The following RBM12B variants were observed in gnomAD, a reference collection of about 807,000 sequenced individuals.
RBM12B encodes the protein RNA-binding protein 12B.
Under a neutral mutation model 34.3 loss-of-function variants are expected in RBM12B, and 10 were observed. The observed-to-expected ratio is 0.29, with a 90% CI of 0.18 to 0.49. RBM12B has a LOEUF of 0.49. Among genes scored for constraint, RBM12B ranks in the 20% least tolerant of loss-of-function variants. RBM12B has a pLI of 0.99. For missense variants in RBM12B, 1,139 were observed against 1,262.7 expected, an observed-to-expected ratio of 0.90 and a Z score of 1.48; for synonymous variants, 477 against 437.1, an observed-to-expected ratio of 1.09 and a Z score of -1.14.
chr8:93,740,679 T>C lies in RBM12B; in HGVS notation c.-128A>G, dbSNP rs1310847448. 1 of 369,746 alleles carries C rather than the reference T, an allele frequency of 2.7e-6. No homozygotes were observed. The highest frequency in any genetic ancestry group is 7.2e-5 in the East Asian group (1 of 13,828). 22.9% of individuals were successfully genotyped at this position (369,746 alleles called of 1,614,324 possible). A position where few individuals can be genotyped will look rare whatever the true frequency, so the allele number is the denominator to read the frequency against. On this transcript the variant is annotated 5_prime_UTR_variant, in exon 2 of 4. An upstream start codon of the reference 5' UTR is lost. Transcript: ENST00000520560. ...TCTCAAGATCCCTGGGAAGCGCACA[T>C]ACACCACCACATGGAAGCTGACGGG...
rs367550047 is a variant in RBM12B at position 93,734,680 on chromosome 8, C to T, written c.1731G>A (p.Glu577=). The change falls in exon 4 of 4, where the codon GAG becomes GAA. Residue 577 remains glutamate (E), a synonymous_variant. Transcript: ENST00000520560. ...CTTCCTCCCTAGGTCGCCTGAAGTC[C>T]TCTGGGGAGTGCCTGAAGTCCTCCG... is the stretch of plus-strand genomic sequence containing the variant. The part of the protein sequence containing the change: ...FPPEDFRHSP[E]DFRRPREEDF... 7 of 1,613,264 alleles carry T rather than the reference C, an allele frequency of 4.3e-6. No homozygotes were observed. Among genetic ancestry groups the T allele is most frequent in the Non-Finnish European group, 2.5e-6 (3 of 1,179,552 alleles).
At chr8:93,737,259 C>G (rs1812050458) in intron 3 of RBM12B, 48 bp downstream of exon 3, 1 of 152,162 alleles carries the variant, frequency 6.6e-6, no homozygotes, top group African/African-American at 2.4e-5. Context: ...TATTCTACTT[C>G]ACATGTTTTT....
In RBM12B at chr8:93,735,873, C is replaced by T. The variant is rs555466677; in HGVS notation, c.538G>A (p.Val180Met). 57 of 1,614,030 alleles carry T rather than the reference C, an allele frequency of 3.5e-5. No homozygotes were observed. The highest frequency in any genetic ancestry group is 1.7e-4 in the Admixed American group (10 of 60,026). Residue 180 changes from valine (V) to methionine (M), a missense_variant, in exon 4 of 4, where the codon GTG (valine) becomes ATG (methionine). Coordinates refer to ENST00000520560, the MANE Select transcript of RBM12B (RefSeq NM_001377960.1). ...TGTTTTAAGAAAATTACTCCATCCA[C>T]GCACAAACCAGAGAAAAAGACACGT... is the stretch of plus-strand genomic sequence containing the variant. Reference protein sequence around the residue: ...DVRVFFSGLCVDGVIFLKHHD... With the variant: ...DVRVFFSGLCMDGVIFLKHHD...
intron 2 of RBM12B, among the ~76,000 whole-genome samples, chr8:93,738,672 A>AGGCTGGTAGGG: frequency 6.6e-6 from 1 of 152,262 alleles, no homozygotes; most frequent in East Asian, 1.9e-4. Flanking sequence ...CATGTTGCCC[A>AGGCTGGTAGGG]GGCTGGTAGG....
At position 93,733,542 on chromosome 8, in the gene RBM12B, T is replaced by A; in HGVS notation, c.2869A>T (p.Ile957Leu). 1 of 1,613,624 alleles carries A rather than the reference T, an allele frequency of 6.2e-7. No homozygotes were observed. Among genetic ancestry groups the A allele is most frequent in the Non-Finnish European group, 8.5e-7 (1 of 1,179,658 alleles). ...GYRIIPDSVS[I>L]QYNEQGLPTG... The stretch of plus-strand genomic sequence containing the variant: ...GGTAAGCCTTGCTCATTATACTGTA[T>A]CGAAACTGAATCAGGTATGATTCTG... The change falls in exon 4 of 4, where the codon ATA becomes TTA. Residue 957 changes from isoleucine to leucine, a missense_variant. Coordinates refer to ENST00000520560, the MANE Select transcript of RBM12B (RefSeq NM_001377960.1).
In RBM12B at chr8:93,733,930, G is replaced by T. The variant is rs749310375; in HGVS notation, c.2481C>A (p.Phe827Leu). Residue 827 changes from phenylalanine to leucine, a missense_variant, in exon 4 of 4, where the codon TTC (phenylalanine) becomes TTA (leucine). Phe to Leu is a conservative substitution (Grantham distance 22, BLOSUM62 0). Coordinates refer to ENST00000520560, the MANE Select transcript of RBM12B (RefSeq NM_001377960.1). ...EDFRHPPDED[F>L]RSPQEEDFRC... ...TAAAATCTTCCTCCTGGGGGCTCCT[G>T]AAGTCCTCATCAGGAGGGTGCCTAA... 29 of 1,613,142 alleles carry T rather than the reference G, an allele frequency of 1.8e-5. No individual in the cohort carries two copies. Among genetic ancestry groups the T allele is most frequent in the Non-Finnish European group, 2.2e-5 (26 of 1,179,778 alleles).
In RBM12B at chr8:93,731,887, ACT is replaced by A. The variant is rs1042727226; in HGVS notation, c.*1516_*1517del. 22 of 151,664 alleles carry A rather than the reference ACT, an allele frequency of 1.5e-4. No homozygotes were observed. Among genetic ancestry groups the A allele is most frequent in the Non-Finnish European group, 2.2e-4 (15 of 67,830 alleles). The allele number at this position is 151,664 out of a possible 1,614,324, so 9.4% of individuals were successfully genotyped here. A position where few individuals can be genotyped will look rare whatever the true frequency, so the allele number is the denominator to read the frequency against. ...TGGATAGAAAGAAACTTTTAAAGTC[ACT>A]CTTTTTTTTTTTATTAGTAATGTTA... On this transcript the variant is annotated 3_prime_UTR_variant, in exon 4 of 4. Transcript: ENST00000520560.
rs866886590 is a variant in RBM12B, at chr8:93,728,434, T to C, written c.*4971A>G. ...CAGAAAAATAATTAAAGGAAACTTA[T>C]GCTGACCAAAAATGAAGGCTTTAAA... On this transcript the variant is annotated 3_prime_UTR_variant, in exon 4 of 4. Transcript: ENST00000520560. 1.4e-5 allele frequency: 8 copies of C among 554,608 alleles called. No individual in the cohort carries two copies. Among genetic ancestry groups the C allele is most frequent in the Non-Finnish European group, 1.9e-5 (6 of 321,710 alleles). The allele number at this position is 554,608 out of a possible 1,614,324, so 34.4% of individuals were successfully genotyped here.
chr8:93,736,009 A>G lies in RBM12B; in HGVS notation c.402T>C (p.Thr134=). 6.2e-7 allele frequency: 1 copy of G among 1,614,222 alleles called. No individual in the cohort carries two copies. The highest frequency in any genetic ancestry group is 8.5e-7 in the Non-Finnish European group (1 of 1,180,022). ...TTAAATTACCATGTCCTGTACCATTAGTATGAAACCCAGCATCTTGATTAA... is the reference window on the plus strand; with the variant it reads ...TTAAATTACCATGTCCTGTACCATTGGTATGAAACCCAGCATCTTGATTAA... ...SSINQDAGFH[T]NGTGHGNLRP... is the part of the protein sequence containing the mutation. Residue 134 remains threonine, a synonymous_variant, in exon 4 of 4, where the codon ACT becomes ACC. Coordinates refer to ENST00000520560, the MANE Select transcript of RBM12B (RefSeq NM_001377960.1).
In RBM12B at chr8:93,730,305, G is replaced by C. The variant is rs889549212; in HGVS notation, c.*3100C>G. 2 of 152,174 alleles carry C rather than the reference G, an allele frequency of 1.3e-5. No homozygotes were observed. The highest frequency in any genetic ancestry group is 2.4e-5 in the African/African-American group (1 of 41,446). The allele number at this position is 152,174 out of a possible 1,614,324, so 9.4% of individuals were successfully genotyped here. A position where few individuals can be genotyped will look rare whatever the true frequency, so the allele number is the denominator to read the frequency against. On this transcript the variant is annotated 3_prime_UTR_variant, in exon 4 of 4. Transcript: ENST00000520560. The stretch of plus-strand genomic sequence containing the variant: ...ATCAAGAATCACTGCTCTTAACAGT[G>C]ATCTCAGTAAATTAATAGAAATGCA...
At position 93,729,586 on chromosome 8, in the gene RBM12B, A is replaced by G. The variant is rs923462573; in HGVS notation, c.*3819T>C. 2.0e-5 allele frequency: 3 copies of G among 152,216 alleles called. No individual in the cohort carries two copies. The highest frequency in any genetic ancestry group is 7.2e-5 in the African/African-American group (3 of 41,468). 9.4% of individuals were successfully genotyped at this position (152,216 alleles called of 1,614,324 possible). A position where few individuals can be genotyped will look rare whatever the true frequency, so the allele number is the denominator to read the frequency against. On this transcript the variant is annotated 3_prime_UTR_variant, in exon 4 of 4. Coordinates refer to ENST00000520560, the MANE Select transcript of RBM12B (RefSeq NM_001377960.1). ...AACATACATTCTGCCTACCTCAAAG[A>G]AATATTCTAAGAACAAAAGGAATAC...
rs1273682877 is a variant in RBM12B at position 93,728,978 on chromosome 8, T to G, written c.*4427A>C. 6.6e-6 allele frequency: 1 copy of G among 152,126 alleles called. No homozygotes were observed. The highest frequency in any genetic ancestry group is 1.5e-5 in the Non-Finnish European group (1 of 67,970). The allele number at this position is 152,126 out of a possible 1,614,324, so 9.4% of individuals were successfully genotyped here. A position where few individuals can be genotyped will look rare whatever the true frequency, so the allele number is the denominator to read the frequency against. ...AAGGCTAATTTGGTGGAATGTTGCC[T>G]CATCATAGAACACCATAGATCATTA... On this transcript the variant is annotated 3_prime_UTR_variant, in exon 4 of 4. Coordinates refer to ENST00000520560, the MANE Select transcript of RBM12B (RefSeq NM_001377960.1).
rs1190015553 is a variant in RBM12B at position 93,729,653 on chromosome 8, T to G, written c.*3752A>C. Reference sequence around the variant, plus strand: ...TTCATTAATGTAAAATTTTCATTATTTAGACCAGCCTAGGTTGGCAAACTT... The same window carrying G: ...TTCATTAATGTAAAATTTTCATTATGTAGACCAGCCTAGGTTGGCAAACTT... On this transcript the variant is annotated 3_prime_UTR_variant, in exon 4 of 4. Coordinates refer to ENST00000520560, the MANE Select transcript of RBM12B (RefSeq NM_001377960.1). 1 of 152,358 alleles carries G rather than the reference T, an allele frequency of 6.6e-6. No homozygotes were observed. The highest frequency in any genetic ancestry group is 3.4e-3 in the Middle Eastern group (1 of 294). The allele number at this position is 152,358 out of a possible 1,614,324, so 9.4% of individuals were successfully genotyped here.
chr8:93,740,640 TTCGAGATCTTCACTC>T lies in RBM12B; in HGVS notation c.-104_-90del, dbSNP rs1393486215. 8.7e-6 allele frequency: 3 copies of T among 346,814 alleles called. No homozygotes were observed. The highest frequency in any genetic ancestry group is 6.6e-5 in the African/African-American group (3 of 45,738). The allele number at this position is 346,814 out of a possible 1,614,324, so 21.5% of individuals were successfully genotyped here. A position where few individuals can be genotyped will look rare whatever the true frequency, so the allele number is the denominator to read the frequency against. On this transcript the variant is annotated 5_prime_UTR_variant, in exon 2 of 4. Transcript: ENST00000520560. ...AGAAAAAAATATACCTATGAAATCCTTCGAGATCTTCACTCTCAAGATCCCTGGGAAGCGCACATA... is the reference window on the plus strand; with the variant it reads ...AGAAAAAAATATACCTATGAAATCCTTCAAGATCCCTGGGAAGCGCACATA...
At position 93,729,192 on chromosome 8, in the gene RBM12B, G is replaced by C. The variant is rs182999295; in HGVS notation, c.*4213C>G. Reference sequence around the variant, plus strand: ...GTTACGGAATTTATAAAATCATTTGGGATAATTAGAAAATGCAATTATTCA... The same window carrying C: ...GTTACGGAATTTATAAAATCATTTGCGATAATTAGAAAATGCAATTATTCA... On this transcript the variant is annotated 3_prime_UTR_variant, in exon 4 of 4. Transcript: ENST00000520560. The C allele has an allele frequency of 2.6e-5, 4 of 151,876 alleles. No homozygotes were observed. The highest frequency in any genetic ancestry group is 5.9e-5 in the Non-Finnish European group (4 of 67,914). The allele number at this position is 151,876 out of a possible 1,614,324, so 9.4% of individuals were successfully genotyped here.
Position 93,728,427 on chromosome 8 carries a change from A to G in RBM12B, c.*4978T>C. On this transcript the variant is annotated 3_prime_UTR_variant, in exon 4 of 4. Coordinates refer to ENST00000520560, the MANE Select transcript of RBM12B (RefSeq NM_001377960.1). ...CTGGAAACAGAAAAATAATTAAAGG[A>G]AACTTATGCTGACCAAAAATGAAGG... 1 of 588,618 alleles carries G rather than the reference A, an allele frequency of 1.7e-6. No individual in the cohort carries two copies. Among genetic ancestry groups the G allele is most frequent in the Non-Finnish European group, 2.9e-6 (1 of 349,886 alleles). The allele number at this position is 588,618 out of a possible 1,614,324, so 36.5% of individuals were successfully genotyped here. A position where few individuals can be genotyped will look rare whatever the true frequency, so the allele number is the denominator to read the frequency against.
At position 93,731,598 on chromosome 8, in the gene RBM12B, T is replaced by C. The variant is rs532622010; in HGVS notation, c.*1807A>G. On this transcript the variant is annotated 3_prime_UTR_variant, in exon 4 of 4. Transcript: ENST00000520560. Reference sequence around the variant, plus strand: ...CAGATTTCTGTTAGATTTCTTTAAATCACTGAAAAGTAACACAAAAATACA... The same window carrying C: ...CAGATTTCTGTTAGATTTCTTTAAACCACTGAAAAGTAACACAAAAATACA... The C allele has an allele frequency of 6.6e-6, 1 of 152,296 alleles. No individual in the cohort carries two copies. Among genetic ancestry groups the C allele is most frequent in the Admixed American group, 6.5e-5 (1 of 15,298 alleles). 9.4% of individuals were successfully genotyped at this position (152,296 alleles called of 1,614,324 possible).
In RBM12B at chr8:93,736,195, A is replaced by G; in HGVS notation, c.216T>C (p.Phe72=). 1 of 1,614,156 alleles carries G rather than the reference A, an allele frequency of 6.2e-7. No homozygotes were observed. Among genetic ancestry groups the G allele is most frequent in the Non-Finnish European group, 8.5e-7 (1 of 1,180,028 alleles). ...GFIKDSSVEL[F]LSSKAEMQKT... is the part of the protein sequence containing the mutation. ...TCTGCATTTCTGCCTTGCTACTAAGAAAGAGCTCTACAGATGAATCCTTGA... is the reference window on the plus strand; with the variant it reads ...TCTGCATTTCTGCCTTGCTACTAAGGAAGAGCTCTACAGATGAATCCTTGA... Residue 72 remains phenylalanine (F), a synonymous_variant, in exon 4 of 4, where the codon TTT becomes TTC. Transcript: ENST00000520560.
At chr8:93,738,504 C>G (rs1812092475) in intron 2 of RBM12B, among the ~76,000 whole-genome samples, 1 of 152,218 alleles carries the variant, frequency 6.6e-6, no homozygotes, top group African/African-American at 2.4e-5. Context: ...CTCTGCTACC[C>G]AGGCTGGAGT....
Sources: allele counts gnomAD v4.1 joint callset (sites outside exome capture counted in the v4.1 genomes callset), GRCh38; gene constraint gnomAD v4.1.1; transcripts MANE v1.5; gene names NCBI Gene and HGNC (gene_info 2026-07-23, HGNC 2026-07-21).